TBC1D30: variants seen among roughly 807,000 people sequenced by gnomAD.
The protein encoded by TBC1D30 is TBC1 domain family member 30.
TBC1D30 carries 31 observed loss-of-function variants against 63.2 expected under a neutral mutation model. The observed-to-expected ratio is 0.49, with a 90% CI of 0.37 to 0.66. The LOEUF (loss-of-function observed/expected upper bound fraction) is 0.66. Among genes scored for constraint, TBC1D30 ranks in the 30% least tolerant of loss-of-function variants. The pLI, the probability that TBC1D30 is intolerant of heterozygous loss-of-function variation, is 0.00. For missense variants in TBC1D30, 810 were observed against 953.6 expected (o/e 0.85, Z 1.98); for synonymous variants, 307 against 361.5 (o/e 0.85, Z 1.71).
chr12:64,874,978 CT>C (rs777797095), intron 11 of TBC1D30, 22 bp from the exon 12 acceptor site: 287 of 1,524,748 alleles, frequency 1.9e-4, no homozygotes, highest in Non-Finnish European at 2.5e-4. Flanking sequence ...ACACTTCATA[CT>C]ACCTTTCAAC....
At chr12:64,776,324 G>GT (rs1234816464), upstream of TBC1D30, among the ~76,000 whole-genome samples, 5 of 151,588 alleles carry the variant, frequency 3.3e-5, no homozygotes, top group South Asian at 2.1e-4. Flanking sequence ...CCAGGAGCTA[G>GT]TTTTTTTTGA....
intron 8 of TBC1D30, among the ~76,000 whole-genome samples, chr12:64,858,450 T>G (rs1033036878): frequency 1.3e-5 from 2 of 152,194 alleles, no homozygotes; most frequent in African/African-American, 2.4e-5. Context: ...TGGATATTTC[T>G]GGTTGTTATT....
At chr12:64,789,249 G>A (rs1871783774) in intron 2 of TBC1D30, among the ~76,000 whole-genome samples, 1 of 147,672 alleles carries the variant, frequency 6.8e-6, no homozygotes, top group Non-Finnish European at 1.5e-5. Context: ...CAGTGCTGCA[G>A]TCTTGGCTCA....
chr12:64,763,958 A>C lies in TBC1D30; in HGVS notation c.-376+4309A>C, dbSNP rs577626071. ...CCAAGCTGTTTTTTAAAGAGCATGC[A>C]GCCCTTTTTCCTAATCATTATAATA... On this transcript the variant is annotated intron_variant, in intron 1 of 13. Transcript: ENST00000674237. Among the ~76,000 whole-genome samples the C allele has an allele frequency of 2.6e-5, 4 of 152,320 alleles. No homozygotes were observed. In the East Asian group the frequency reaches 7.7e-4, roughly 29 times the overall value.
Position 64,866,868 on chromosome 12 carries a change from C to G in TBC1D30, c.1256C>G (p.Ala419Gly). The G allele has an allele frequency of 6.5e-7, 1 of 1,536,154 alleles. No homozygotes were observed. ...CTTGGACCTTTTAGTGGGTTCCTGG[C>G]TCCTGAACTGCAGAAGTACCAAAAA... The part of the protein sequence containing the change: ...GCLGPFSGFL[A>G]PELQKYQKQI... The change falls in exon 10 of 12, where the codon GCT becomes GGT. Residue 419 changes from alanine (A) to glycine (G), a missense_variant. Physicochemically the swap from Ala to Gly is moderately conservative, Grantham distance 60 (BLOSUM62 0). This residue lies in a region of TBC1D30 where 450 missense variants were observed against 473.0 expected (regional missense o/e 0.95). Coordinates refer to ENST00000539867, the MANE Select transcript of TBC1D30 (RefSeq NM_015279.2).
At chr12:64,805,232 G>C (rs1872794618) in intron 2 of TBC1D30, among the ~76,000 whole-genome samples, 1 of 152,062 alleles carries the variant, frequency 6.6e-6, no homozygotes, top group Non-Finnish European at 1.5e-5. Context: ...ATAAAAAAGA[G>C]ACTTCTTGTG....
chr12:64,780,881 G>C (rs2136288758), exon 1 of TBC1D30: 1 of 1,013,396 alleles, frequency 9.9e-7, no homozygotes, highest in South Asian at 3.2e-5. Flanking sequence ...CGGCGGTGGC[G>C]AGGCGAGGCT....
intron 4 of TBC1D30, among the ~76,000 whole-genome samples, chr12:64,830,875 A>G (rs1874796256): frequency 2.6e-5 from 4 of 152,200 alleles, no homozygotes; most frequent in African/African-American, 9.7e-5. Context: ...GGTTCTTATT[A>G]GGGTCTTTGA....
Position 64,761,624 on chromosome 12 carries a change from T to C in TBC1D30, c.-376+1975T>C, listed in dbSNP as rs539004228. ...ATTCCCACCCAGCGCCATGACAGTT[T>C]ACAAACGCCATGGGAATGTCAGGAA... On this transcript the variant is annotated intron_variant, in intron 1 of 13. Coordinates refer to the TBC1D30 transcript ENST00000674237. Among the ~76,000 whole-genome samples the C allele has an allele frequency of 2.0e-5, 3 of 152,322 alleles. No homozygotes were observed. The South Asian group carries it at 6.2e-4, about 32-fold the overall frequency.
intron 3 of TBC1D30, among the ~76,000 whole-genome samples, chr12:64,829,155 T>C (rs957350442): frequency 6.6e-6 from 1 of 152,178 alleles, no homozygotes; most frequent in South Asian, 2.1e-4. Context: ...TTTTGCTCAG[T>C]GTGAGCTAGG....
exon 1 of TBC1D30, chr12:64,781,151 C>CTCGACAGCT (rs1484942237): frequency 1.4e-5 from 14 of 1,018,060 alleles, no homozygotes; most frequent in Non-Finnish European, 1.4e-5. Flanking sequence ...CCGCGACAGC[C>CTCGACAGCT]TCGACAGCTC....
chr12:64,867,043 G>A, intron 10 of TBC1D30, 140 bp downstream of exon 10: 1 of 964,334 alleles, frequency 1.0e-6, no homozygotes, highest in Non-Finnish European at 1.5e-6. Context: ...TAGTCATGGT[G>A]GGTCATGCCT....
At chr12:64,797,069 C>G (rs985729552) in intron 2 of TBC1D30, among the ~76,000 whole-genome samples, 1 of 130,836 alleles carries the variant, frequency 7.6e-6, no homozygotes, top group Admixed American at 8.0e-5. Flanking sequence ...TTCCAGTGTT[C>G]TTAAGCTTTG....
intron 2 of TBC1D30, among the ~76,000 whole-genome samples, chr12:64,810,080 C>T (rs543610620): frequency 2.0e-5 from 3 of 152,274 alleles, no homozygotes; most frequent in South Asian, 4.1e-4. Flanking sequence ...GCTCTCCCTC[C>T]ACCCTGCTCC....
chr12:64,780,329 C>T (rs2136287897), upstream of TBC1D30, among the ~76,000 whole-genome samples: 1 of 152,360 alleles, frequency 6.6e-6, no homozygotes, highest in South Asian at 2.1e-4. Flanking sequence ...AGCTCCTGGC[C>T]TGGGCCTATT....
At chr12:64,855,793 C>T (rs1051784388) in intron 8 of TBC1D30, among the ~76,000 whole-genome samples, 4 of 151,992 alleles carry the variant, frequency 2.6e-5, no homozygotes, top group African/African-American at 9.7e-5. Context: ...AGGATTGGTC[C>T]CTGGTGCTTT....
chr12:64,870,923 A>AAAAAGAACCTG, intron 11 of TBC1D30, 115 bp downstream of exon 11: 1 of 966,028 alleles, frequency 1.0e-6, no homozygotes, highest in Non-Finnish European at 1.5e-6. Flanking sequence ...ATCCATCAAC[A>AAAAAGAACCTG]CAGCTGGCAT....
rs1879231778 is a variant in TBC1D30, at chr12:64,878,331, T to C, written c.*2543T>C. 3 of 410,600 alleles carry C rather than the reference T, an allele frequency of 7.3e-6. No individual in the cohort carries two copies. The highest frequency in any genetic ancestry group is 9.8e-6 in the Non-Finnish European group (2 of 204,118). 25.4% of individuals were successfully genotyped at this position (410,600 alleles called of 1,614,324 possible). A position where few individuals can be genotyped will look rare whatever the true frequency, so the allele number is the denominator to read the frequency against. Reference sequence around the variant, plus strand: ...AGCATGTACAAAGACCAGTATGGACTTGCTATCTTCCCTATGTATTGGACA... The same window carrying C: ...AGCATGTACAAAGACCAGTATGGACCTGCTATCTTCCCTATGTATTGGACA... On this transcript the variant is annotated 3_prime_UTR_variant, in exon 12 of 12. Coordinates refer to ENST00000539867, the MANE Select transcript of TBC1D30 (RefSeq NM_015279.2).
intron 8 of TBC1D30, among the ~76,000 whole-genome samples, chr12:64,854,010 T>C (rs545092442): frequency 4.4e-4 from 67 of 152,332 alleles, no homozygotes; most frequent in Admixed American, 3.5e-3. Flanking sequence ...AACGGATCAT[T>C]GGGTCCTATT....
Sources: gnomAD v4.1 joint callset for allele counts (sites outside exome capture counted in the v4.1 genomes callset) on GRCh38, gnomAD v4.1.1 for gene constraint, gnomAD v4.1.1 regional missense constraint, MANE v1.5 for transcripts, NCBI Gene and HGNC (gene_info 2026-07-23, HGNC 2026-07-21) for gene names.